AGL: variants seen among roughly 807,000 people sequenced by gnomAD.
The protein encoded by AGL is glycogen debranching enzyme.
AGL carries 128 observed loss-of-function variants against 199.3 expected under a neutral mutation model. The ratio of observed to expected loss-of-function variants is 0.64; its 90% CI spans 0.56 to 0.74. The LOEUF is 0.74. AGL is among the 30% of genes least tolerant of loss of function. The pLI is 0.00. For missense variants in AGL, 1,809 were observed against 1,820.8 expected, an observed-to-expected ratio of 0.99 and a Z score of 0.12; for synonymous variants, 584 against 594.7, an observed-to-expected ratio of 0.98 and a Z score of 0.26.
chr1:99,870,029 G>A (rs1164678721), intron 5 of AGL, among the ~76,000 whole-genome samples: 5 of 152,214 alleles, frequency 3.3e-5, no homozygotes, highest in East Asian at 1.9e-4. Flanking sequence ...AGCTACATTC[G>A]TATTCCTTGA....
chr1:99,905,947 C>G (rs948651084), intron 27 of AGL, among the ~76,000 whole-genome samples: 3 of 151,564 alleles, frequency 2.0e-5, no homozygotes, highest in Non-Finnish European at 2.9e-5. Context: ...TTTGTTTTTA[C>G]TATTGGTTTT....
At chr1:99,877,113 A>G (rs1471692982) in intron 11 of AGL, among the ~76,000 whole-genome samples, 1 of 152,150 alleles carries the variant, frequency 6.6e-6, no homozygotes, top group Non-Finnish European at 1.5e-5. Context: ...TTTATTTTTT[A>G]ACATTTCGAA....
chr1:99,908,650 T>C (rs1341766553), intron 27 of AGL, among the ~76,000 whole-genome samples: 7 of 152,232 alleles, frequency 4.6e-5, no homozygotes, highest in Non-Finnish European at 1.0e-4. Flanking sequence ...AATTGCCTTT[T>C]CTCATTCAGG....
In AGL at chr1:99,921,658, A is replaced by G. The variant is rs1408655509; in HGVS notation, c.*7A>G. On this transcript the variant is annotated 3_prime_UTR_variant, in exon 34 of 34. Coordinates refer to ENST00000361915, the MANE Select transcript of AGL (RefSeq NM_000642.3). ...GACACTTTATGATTTATAGTTTATT[A>G]CAGATATTAAGTATGCAATTACTTG... 5.1e-6 allele frequency: 8 copies of G among 1,575,310 alleles called. No homozygotes were observed. Among genetic ancestry groups the G allele is most frequent in the Admixed American group, 3.3e-5 (2 of 59,786 alleles).
chr1:99,881,617 C>T lies in AGL; in HGVS notation c.2234C>T (p.Ala745Val). The change falls in exon 17 of 34, where the codon GCT (alanine) becomes GTT (valine). Residue 745 changes from alanine (A) to valine (V), a missense_variant. Transcript: ENST00000361915. ...HSPSIHQSVV[A>V]VSRTAFRNPK... ...CCTAGCATCCATCAGTCTGTTGTGGCTGTATCTAGAACTGCTTTCAGGAAT... is the reference window on the plus strand; with the variant it reads ...CCTAGCATCCATCAGTCTGTTGTGGTTGTATCTAGAACTGCTTTCAGGAAT... 1.9e-6 allele frequency: 3 copies of T among 1,613,976 alleles called. No individual in the cohort carries two copies. The highest frequency in any genetic ancestry group is 2.5e-6 in the Non-Finnish European group (3 of 1,179,938).
intron 3 of AGL, 86 bp downstream of exon 3, chr1:99,861,799 A>G (rs1650062415): frequency 6.8e-7 from 1 of 1,466,322 alleles, no homozygotes; most frequent in African/African-American, 1.4e-5. Context: ...TACTGTATGA[A>G]CCATGGCAGT....
intron 2 of AGL, among the ~76,000 whole-genome samples, chr1:99,851,446 T>G (rs1343913105): frequency 2.0e-5 from 3 of 152,256 alleles, no homozygotes; most frequent in Non-Finnish European, 4.4e-5. Flanking sequence ...CTATTAAAAC[T>G]TGGTAAATTA....
intron 24 of AGL, among the ~76,000 whole-genome samples, 164 bp downstream of exon 24, chr1:99,892,771 C>T (rs547541420): frequency 1.3e-5 from 2 of 152,156 alleles, no homozygotes; most frequent in East Asian, 3.9e-4. Context: ...AATAACCATG[C>T]TTACTGTTTA....
intron 24 of AGL, among the ~76,000 whole-genome samples, chr1:99,893,335 C>G (rs1553188996): frequency 6.6e-6 from 1 of 152,106 alleles, no homozygotes; most frequent in Non-Finnish European, 1.5e-5. Flanking sequence ...TTAGTGATAC[C>G]CAACAACTAA....
At chr1:99,877,586 T>C in intron 11 of AGL, 55 bp from the exon 12 acceptor site, 1 of 1,519,936 alleles carries the variant, frequency 6.6e-7, no homozygotes, top group Non-Finnish European at 9.1e-7. Flanking sequence ...TTCCTTGAAG[T>C]AATTGTTTTC....
At chr1:99,858,188 A>G (rs955744862) in intron 2 of AGL, among the ~76,000 whole-genome samples, 2 of 152,196 alleles carry the variant, frequency 1.3e-5, no homozygotes, top group African/African-American at 4.8e-5. Flanking sequence ...TAGTTCTTTT[A>G]CCTCACAGGA....
At chr1:99,850,899 G>C (rs1160264785) in intron 1 of AGL, 76 bp from the exon 2 acceptor site, 4 of 757,562 alleles carry the variant, frequency 5.3e-6, no homozygotes, top group African/African-American at 3.5e-5. Context: ...CTTCGAACAT[G>C]TAAGTGCCGC....
chr1:99,864,617 A>G, intron 5 of AGL, 28 bp downstream of exon 5: 1 of 1,582,148 alleles, frequency 6.3e-7, no homozygotes, highest in Admixed American at 1.7e-5. Context: ...TGCCTTCATT[A>G]ATTTTGATGA....
At chr1:99,908,990 C>T (rs1654530519) in intron 27 of AGL, among the ~76,000 whole-genome samples, 1 of 152,088 alleles carries the variant, frequency 6.6e-6, no homozygotes, top group African/African-American at 2.4e-5. Flanking sequence ...TCAGAGCCTG[C>T]CCAGGACTTC....
At chr1:99,863,588 G>GGACT (rs1650253140) in intron 4 of AGL, among the ~76,000 whole-genome samples, 2 of 151,870 alleles carry the variant, frequency 1.3e-5, no homozygotes, top group African/African-American at 4.8e-5. Flanking sequence ...GAGTAGCTTG[G>GGACT]GACTGCAGGC....
At chr1:99,869,656 A>G (rs1650820634) in intron 5 of AGL, among the ~76,000 whole-genome samples, 1 of 152,200 alleles carries the variant, frequency 6.6e-6, no homozygotes, top group South Asian at 2.1e-4. Context: ...ACTGCTTAGA[A>G]CAATTTCTGG....
At chr1:99,909,071 G>C (rs1031744970) in intron 27 of AGL, among the ~76,000 whole-genome samples, 40 of 152,110 alleles carry the variant, frequency 2.6e-4, no homozygotes, top group Non-Finnish European at 7.4e-5. Context: ...CTAGTTGGGA[G>C]TGTGAGGGGC....
At chr1:99,895,009 T>G (rs146565539) in intron 24 of AGL, among the ~76,000 whole-genome samples, 1,951 of 152,300 alleles carry the variant, frequency 0.013, 28 homozygotes, top group Middle Eastern at 0.088. Context: ...TTGTCCTCAG[T>G]TTCCCCTAAC....
chr1:99,863,461 CAT>C lies in AGL; in HGVS notation c.461-924_461-923del, dbSNP rs1412470784. Among the ~76,000 whole-genome samples, 6 of 152,200 alleles carry C rather than the reference CAT, an allele frequency of 3.9e-5. No homozygotes were observed. The East Asian group carries it at 9.7e-4, about 24-fold the overall frequency. On this transcript the variant is annotated intron_variant, in intron 4 of 33. Coordinates refer to ENST00000361915, the MANE Select transcript of AGL (RefSeq NM_000642.3). ...GGTTAACCATCTTTTGTGTAGAAGA[CAT>C]GTGCTACCATAAATACCAAGAGCAA...
Sources: gnomAD v4.1 joint callset for allele counts (sites outside exome capture counted in the v4.1 genomes callset) on GRCh38, gnomAD v4.1.1 for gene constraint, MANE v1.5 for transcripts, NCBI Gene and HGNC (gene_info 2026-07-23, HGNC 2026-07-21) for gene names.